CRPPA: variants seen among roughly 807,000 people sequenced by gnomAD.
CRPPA encodes the protein CDP-L-ribitol pyrophosphorylase A.
CRPPA carries 43 observed loss-of-function variants against 52.0 expected under a neutral mutation model. That is an observed-to-expected ratio of 0.83 (90% CI 0.65 to 1.07). The LOEUF (loss-of-function observed/expected upper bound fraction) is 1.07. Among genes scored for constraint, CRPPA ranks in the 50% least tolerant of loss-of-function variants. CRPPA has a pLI of 0.00. For missense variants in CRPPA, 629 were observed against 551.7 expected (o/e 1.14, Z -1.40); for synonymous variants, 250 against 203.5 (o/e 1.23, Z -1.94).
intron 9 of CRPPA, among the ~76,000 whole-genome samples, chr7:16,169,455 T>C (rs947021687): frequency 6.6e-6 from 1 of 152,192 alleles, no homozygotes; most frequent in African/African-American, 2.4e-5. Context: ...GAAAGGTGAA[T>C]ACCAAAATGG....
At chr7:16,263,756 T>C (rs372253482) in intron 6 of CRPPA, among the ~76,000 whole-genome samples, 1 of 138,652 alleles carries the variant, frequency 7.2e-6, no homozygotes, top group Non-Finnish European at 1.6e-5. Context: ...CATTTCAAAA[T>C]AAAAAAAAAA....
chr7:16,199,323 C>T (rs998516833), intron 9 of CRPPA, among the ~76,000 whole-genome samples: 3 of 152,152 alleles, frequency 2.0e-5, no homozygotes, highest in Non-Finnish European at 4.4e-5. Context: ...ATAAAATCTG[C>T]TCTCTCCACT....
rs1203197457 is a variant in CRPPA, at chr7:16,134,354, T to C, written c.1252-42555A>G. 2.6e-5 allele frequency among the ~76,000 whole-genome samples: 2 copies of C among 77,962 alleles called. 1 individual carries two copies. The highest frequency in any genetic ancestry group is 6.8e-5 in the African/African-American group (2 of 29,456). The allele number at this position is 77,962 out of a possible 152,430, so 51.1% of individuals were successfully genotyped here. ...TACAGACCACTACCAGCCCATAGCCTGTTAGAACCTAATGATAAATGTAAT... is the reference window on the plus strand; with the variant it reads ...TACAGACCACTACCAGCCCATAGCCCGTTAGAACCTAATGATAAATGTAAT... On this transcript the variant is annotated intron_variant, in intron 9 of 9. Transcript: ENST00000407010.
At chr7:16,222,445 TA>T (rs1243310950) in intron 8 of CRPPA, among the ~76,000 whole-genome samples, 2,320 of 139,878 alleles carry the variant, frequency 0.017, 61 homozygotes, top group African/African-American at 0.052. Context: ...AAAGTATAAT[TA>T]AAAAAAAAAA....
At chr7:16,213,602 A>G (rs958425739) in intron 9 of CRPPA, among the ~76,000 whole-genome samples, 6 of 152,050 alleles carry the variant, frequency 3.9e-5, no homozygotes, top group African/African-American at 1.4e-4. Flanking sequence ...TACAAAATTT[A>G]ACTGGGCATG....
chr7:16,297,208 T>C (rs1366147119), intron 5 of CRPPA, among the ~76,000 whole-genome samples: 1 of 152,162 alleles, frequency 6.6e-6, no homozygotes, highest in Non-Finnish European at 1.5e-5. Flanking sequence ...GTTTCCCAAC[T>C]GCAAAATGAG....
intron 9 of CRPPA, among the ~76,000 whole-genome samples, chr7:16,186,663 C>G (rs936277979): frequency 1.3e-5 from 2 of 152,028 alleles, no homozygotes; most frequent in South Asian, 4.1e-4. Context: ...AAATAATAGA[C>G]TATCAAAAAG....
intron 9 of CRPPA, among the ~76,000 whole-genome samples, chr7:16,126,916 T>C (rs757284270): frequency 6.6e-6 from 1 of 152,076 alleles, no homozygotes; most frequent in Non-Finnish European, 1.5e-5. Context: ...TTCCCAAATT[T>C]GTACAAAGAA....
chr7:16,404,200 G>T (rs1474757186), intron 2 of CRPPA, among the ~76,000 whole-genome samples: 1 of 152,074 alleles, frequency 6.6e-6, no homozygotes, highest in Non-Finnish European at 1.5e-5. Context: ...TATTTCTGAG[G>T]TTTCCTTAAA....
chr7:16,397,755 T>C (rs1787646306), intron 2 of CRPPA, among the ~76,000 whole-genome samples: 1 of 152,220 alleles, frequency 6.6e-6, no homozygotes. Context: ...ATGACACGAT[T>C]GGCACGTGAT....
chr7:16,241,853 C>T (rs562894391), intron 8 of CRPPA, among the ~76,000 whole-genome samples: 14 of 151,536 alleles, frequency 9.2e-5, no homozygotes, highest in African/African-American at 3.1e-4. Context: ...AAAAAAACAG[C>T]TCTCTGATCA....
intron 9 of CRPPA, among the ~76,000 whole-genome samples, chr7:16,187,039 T>G (rs1448883816): frequency 1.3e-5 from 2 of 152,220 alleles, no homozygotes; most frequent in Non-Finnish European, 2.9e-5. Flanking sequence ...TTCAGATTCA[T>G]AGTCTCCATT....
At chr7:16,224,244 G>T (rs2128401054) in intron 8 of CRPPA, among the ~76,000 whole-genome samples, 1 of 151,912 alleles carries the variant, frequency 6.6e-6, no homozygotes, top group African/African-American at 2.4e-5. Context: ...ATATATTCCT[G>T]GTCCCAGATG....
chr7:16,400,065 G>T (rs887246130), intron 2 of CRPPA, among the ~76,000 whole-genome samples: 3 of 152,094 alleles, frequency 2.0e-5, no homozygotes, highest in Non-Finnish European at 4.4e-5. Context: ...ATTGGCACGT[G>T]ATCGGCAACG....
At chr7:16,355,383 G>A (rs1486374921) in intron 3 of CRPPA, among the ~76,000 whole-genome samples, 2 of 152,118 alleles carry the variant, frequency 1.3e-5, no homozygotes, top group East Asian at 1.9e-4. Flanking sequence ...CCCGGCAAAT[G>A]TCTTCACCGC....
chr7:16,157,176 T>C (rs950321540), intron 9 of CRPPA, among the ~76,000 whole-genome samples: 8 of 119,130 alleles, frequency 6.7e-5, no homozygotes, highest in Admixed American at 1.1e-4. Flanking sequence ...GGAACACAAA[T>C]GCTGCAATTT....
intron 8 of CRPPA, among the ~76,000 whole-genome samples, chr7:16,220,120 G>GA (rs1782458095): frequency 1.0e-5 from 1 of 96,846 alleles, no homozygotes; most frequent in Admixed American, 1.2e-4. Context: ...TCATCCCTGG[G>GA]ATGCAAGGCT....
At chr7:16,282,384 G>A in intron 5 of CRPPA, among the ~76,000 whole-genome samples, 1 of 152,008 alleles carries the variant, frequency 6.6e-6, no homozygotes, top group East Asian at 1.9e-4. Context: ...TTAGAATGCT[G>A]TGTAACAAAT....
At chr7:16,398,915 C>G (rs924481007) in intron 2 of CRPPA, among the ~76,000 whole-genome samples, 1 of 152,224 alleles carries the variant, frequency 6.6e-6, no homozygotes, top group Non-Finnish European at 1.5e-5. Flanking sequence ...GTGACTGACA[C>G]ATGATCGAGT....
Sources: gnomAD v4.1 joint callset for allele counts (sites outside exome capture counted in the v4.1 genomes callset) on GRCh38, gnomAD v4.1.1 for gene constraint, MANE v1.5 for transcripts, NCBI Gene and HGNC (gene_info 2026-07-23, HGNC 2026-07-21) for gene names.